The following LCAT variants were observed in gnomAD, a reference collection of about 807,000 sequenced individuals.
The protein encoded by LCAT is lecithin-cholesterol acyltransferase.
Under a neutral mutation model 41.0 loss-of-function variants are expected in LCAT, and 15 were observed. That is an observed-to-expected ratio of 0.37 (90% CI 0.24 to 0.56). The LOEUF (loss-of-function observed/expected upper bound fraction) is 0.56, where lower values mean the gene tolerates loss of function less well. Among genes scored for constraint, LCAT ranks in the 20% least tolerant of loss-of-function variants. The pLI is 0.81. For synonymous variants in LCAT, 248 were observed against 245.4 expected (o/e 1.01, Z -0.10); for missense variants, 449 against 595.1 (o/e 0.75, Z 2.55).
rs774662407 is a variant in LCAT, at chr16:67,943,063, T to A, written c.304A>T (p.Asn102Tyr). Residue 102 changes from asparagine (N) to tyrosine (Y), a missense_variant, in exon 2 of 6, where the codon AAC becomes TAC. Asn to Tyr is a moderately radical substitution (Grantham distance 143, BLOSUM62 -2). Coordinates refer to ENST00000264005, the MANE Select transcript of LCAT (RefSeq NM_000229.2). The surrounding 1 kb of genome is among the most constrained non-coding windows in gnomAD (Gnocchi z 4.6). ...LPLGVDCWID[N>Y]TRVVYNRSSG... The stretch of plus-strand genomic sequence containing the variant: ...TGGAGCACATGGCTGTACCTGGTGT[T>A]ATCGATCCAGCAGTCTACCCCAAGG... The A allele has an allele frequency of 1.2e-6, 2 of 1,613,812 alleles. No individual in the cohort carries two copies. Among genetic ancestry groups the A allele is most frequent in the Non-Finnish European group, 8.5e-7 (1 of 1,179,916 alleles).
Position 67,939,916 on chromosome 16 carries a change from C to G in LCAT, c.1311G>C (p.Pro437=). 6.2e-7 allele frequency: 1 copy of G among 1,612,520 alleles called. No individual in the cohort carries two copies. The highest frequency in any genetic ancestry group is 8.5e-7 in the Non-Finnish European group (1 of 1,179,360). Residue 437 remains proline (P), a synonymous_variant, in exon 6 of 6, where the codon CCG becomes CCC. Coordinates refer to ENST00000264005, the MANE Select transcript of LCAT (RefSeq NM_000229.2). ...CAAAGGAAGGTCTTTATTCAGGAGGCGGGGGCTCTGGGCTGGCAGTCGGGG... is the reference window on the plus strand; with the variant it reads ...CAAAGGAAGGTCTTTATTCAGGAGGGGGGGGCTCTGGGCTGGCAGTCGGGG... ...PASPTASPEP[P]PPE is the part of the protein sequence containing the mutation.
rs761593618 is a variant in LCAT, at chr16:67,943,225, G to C, written c.155-13C>G. The C allele has an allele frequency of 6.2e-7, 1 of 1,612,270 alleles. No individual in the cohort carries two copies. The highest frequency in any genetic ancestry group is 8.5e-7 in the Non-Finnish European group (1 of 1,179,902). ...AGGCAGCCGGGCACTGTGAGCAGCA[G>C]CCCTCACTCTGGACTCTGGATTCCC... On this transcript the variant is annotated splice_polypyrimidine_tract_variant and intron_variant, in intron 1 of 5. Coordinates refer to ENST00000264005, the MANE Select transcript of LCAT (RefSeq NM_000229.2). This position sits in a 1 kb window ranked among gnomAD's most constrained non-coding sequence, Gnocchi z 4.6.
chr16:67,942,938 G>A lies in LCAT; in HGVS notation c.350C>T (p.Ala117Val). 1 of 1,613,920 alleles carries A rather than the reference G, an allele frequency of 6.2e-7. No homozygotes were observed. The highest frequency in any genetic ancestry group is 8.5e-7 in the Non-Finnish European group (1 of 1,179,990). ...YNRSSGLVSN[A>V]PGVQIRVPGF... The stretch of plus-strand genomic sequence containing the variant: ...AGGGACGCGGATCTGGACACCAGGG[G>A]CGTTGGACACGAGCCCAGAGCTCCG... Residue 117 changes from alanine to valine, a missense_variant, in exon 3 of 6, where the codon GCC (alanine) becomes GTC (valine). Ala to Val is a moderately conservative substitution (Grantham distance 64). Transcript: ENST00000264005. This position sits in a 1 kb window ranked among gnomAD's most constrained non-coding sequence, Gnocchi z 6.6.
At chr16:67,940,657 A>C (rs189323062) in intron 5 of LCAT, 179 bp from the exon 6 acceptor site, 3 of 1,092,664 alleles carry the variant, frequency 2.7e-6, no homozygotes, top group African/African-American at 1.6e-5. Context: ...AGCTTACTCA[A>C]TGAGAAGCCC....
Position 67,939,840 on chromosome 16 carries a change from A to G in LCAT, c.*64T>C. The G allele has an allele frequency of 6.4e-7, 1 of 1,571,798 alleles. No homozygotes were observed. Among genetic ancestry groups the G allele is most frequent in the Non-Finnish European group, 8.6e-7 (1 of 1,156,584 alleles). Reference sequence around the variant, plus strand: ...GGTGAGGAGTGAAACCTAGTGTGGGACTCTAGTGCCTCCCTTCAACCTGAA... The same window carrying G: ...GGTGAGGAGTGAAACCTAGTGTGGGGCTCTAGTGCCTCCCTTCAACCTGAA... On this transcript the variant is annotated 3_prime_UTR_variant, in exon 6 of 6. Coordinates refer to ENST00000264005, the MANE Select transcript of LCAT (RefSeq NM_000229.2).
Position 67,943,335 on chromosome 16 carries a change from A to C in LCAT, c.155-123T>G. On this transcript the variant is annotated intron_variant, in intron 1 of 5. Transcript: ENST00000264005. This position sits in a 1 kb window ranked among gnomAD's most constrained non-coding sequence, Gnocchi z 4.6. ...CCCATACCCTCAACCCCCAGGTACA[A>C]AGCACACTTACCCTCCCCTGCTTAC... 7.0e-6 allele frequency: 6 copies of C among 851,430 alleles called. No homozygotes were observed. Among genetic ancestry groups the C allele is most frequent in the Non-Finnish European group, 9.4e-6 (5 of 532,354 alleles). The allele number at this position is 851,430 out of a possible 1,614,324, so 52.7% of individuals were successfully genotyped here.
At position 67,943,279 on chromosome 16, in the gene LCAT, ATGC is replaced by A; in HGVS notation, c.155-70_155-68del. On this transcript the variant is annotated intron_variant, in intron 1 of 5. Transcript: ENST00000264005. This position sits in a 1 kb window ranked among gnomAD's most constrained non-coding sequence, Gnocchi z 4.6. ...GTGACCCTTACCCCCGTCACCCCAG[ATGC>A]TGCAGTGACCAGACCCACCCCCCAC... The A allele has an allele frequency of 6.6e-7, 1 of 1,514,866 alleles. No individual in the cohort carries two copies. Among genetic ancestry groups the A allele is most frequent in the Non-Finnish European group, 9.0e-7 (1 of 1,116,938 alleles). 93.8% of individuals were successfully genotyped at this position (1,514,866 alleles called of 1,614,324 possible). A position where few individuals can be genotyped will look rare whatever the true frequency, so the allele number is the denominator to read the frequency against.
In LCAT at chr16:67,942,297, G is replaced by A. The variant is rs548743635; in HGVS notation, c.748+66C>T. 32 of 1,542,926 alleles carry A rather than the reference G, an allele frequency of 2.1e-5. 1 individual carries two copies. The Middle Eastern group carries it at 5.4e-4, about 26-fold the overall frequency. On this transcript the variant is annotated intron_variant, in intron 5 of 5. Coordinates refer to ENST00000264005, the MANE Select transcript of LCAT (RefSeq NM_000229.2). This position sits in a 1 kb window ranked among gnomAD's most constrained non-coding sequence, Gnocchi z 6.6. Reference sequence around the variant, plus strand: ...GGCCACTGTGAGCAGGAGCCGCAATGAAGGCAGGCCCAGGATCAGCTTGGT... The same window carrying A: ...GGCCACTGTGAGCAGGAGCCGCAATAAAGGCAGGCCCAGGATCAGCTTGGT...
At position 67,940,413 on chromosome 16, in the gene LCAT, T is replaced by C; in HGVS notation, c.814A>G (p.Thr272Ala). 6.2e-7 allele frequency: 1 copy of C among 1,612,948 alleles called. No individual in the cohort carries two copies. Among genetic ancestry groups the C allele is most frequent in the Non-Finnish European group, 8.5e-7 (1 of 1,179,748 alleles). ...CGAGAGGGAAACATCCAGGGGGAGG[T>C]GGTGGTTATGCGCTGCTCCTCTTTC... ...KLKEEQRITT[T>A]SPWMFPSRMA... Residue 272 changes from threonine to alanine, a missense_variant, in exon 6 of 6, where the codon ACC becomes GCC. Transcript: ENST00000264005.
In LCAT at chr16:67,940,371, C is replaced by T; in HGVS notation, c.856G>A (p.Asp286Asn). ...CTGGGTGTGGAAATGAACACGTGGT[C>T]CTCAGGCCACGCCATGCGAGAGGGA... ...MFPSRMAWPEDHVFISTPSFN... is the reference protein window; with the variant it reads ...MFPSRMAWPENHVFISTPSFN... The change falls in exon 6 of 6, where the codon GAC becomes AAC. Residue 286 changes from aspartate to asparagine, a missense_variant. Coordinates refer to ENST00000264005, the MANE Select transcript of LCAT (RefSeq NM_000229.2). 1 of 1,614,112 alleles carries T rather than the reference C, an allele frequency of 6.2e-7. No homozygotes were observed. Among genetic ancestry groups the T allele is most frequent in the African/African-American group, 1.3e-5 (1 of 75,024 alleles).
rs368492194 is a variant in LCAT at position 67,942,776 on chromosome 16, G to C, written c.428-10C>G. ...AGTGTGTGCAGGTACCCTGTGGGGG[G>C]ACCAGCAGCACCGGGGGCTTGGGCC... On this transcript the variant is annotated splice_polypyrimidine_tract_variant and intron_variant, in intron 3 of 5. Transcript: ENST00000264005. This position sits in a 1 kb window ranked among gnomAD's most constrained non-coding sequence, Gnocchi z 6.6. The C allele has an allele frequency of 6.2e-7, 1 of 1,612,538 alleles. No individual in the cohort carries two copies.
At position 67,943,717 on chromosome 16, in the gene LCAT, C is replaced by G; in HGVS notation, c.154+231G>C. ...CCCAGCCAAGACCTCAGGCACACCC[C>G]GTCCCCCACTCCGCCCCCCCTGGGT... On this transcript the variant is annotated intron_variant, in intron 1 of 5. Coordinates refer to ENST00000264005, the MANE Select transcript of LCAT (RefSeq NM_000229.2). The surrounding 1 kb of genome is among the most constrained non-coding windows in gnomAD (Gnocchi z 4.6). 1 of 567,030 alleles carries G rather than the reference C, an allele frequency of 1.8e-6. No homozygotes were observed. The allele number at this position is 567,030 out of a possible 1,614,324, so 35.1% of individuals were successfully genotyped here.
intron 5 of LCAT, among the ~76,000 whole-genome samples, chr16:67,941,085 C>T (rs2058288688): frequency 6.6e-6 from 1 of 152,130 alleles, no homozygotes; most frequent in Admixed American, 6.5e-5. Flanking sequence ...AGGCAGATGA[C>T]TTAAGGTCAG....
chr16:67,943,878 G>C lies in LCAT; in HGVS notation c.154+70C>G, dbSNP rs772149357. 34 of 1,416,424 alleles carry C rather than the reference G, an allele frequency of 2.4e-5. No individual in the cohort carries two copies. The highest frequency in any genetic ancestry group is 3.1e-5 in the Non-Finnish European group (32 of 1,048,950). 87.7% of individuals were successfully genotyped at this position (1,416,424 alleles called of 1,614,324 possible). ...GGGCAGAAGGGCTTTGGCCAGGTCA[G>C]CTGCCAGGGGCTGGGGCCCAGGCTC... On this transcript the variant is annotated intron_variant, in intron 1 of 5. Transcript: ENST00000264005. This position sits in a 1 kb window ranked among gnomAD's most constrained non-coding sequence, Gnocchi z 4.6.
intron 5 of LCAT, 121 bp from the exon 6 acceptor site, chr16:67,940,599 C>CT: frequency 1.3e-6 from 2 of 1,488,092 alleles, no homozygotes; most frequent in Non-Finnish European, 9.0e-7. Context: ...GACACAGACT[C>CT]TAAGCCACAG....
Position 67,944,023 on chromosome 16 carries a change from G to T in LCAT, c.79C>A (p.Leu27Ile). The T allele has an allele frequency of 6.5e-7, 1 of 1,547,950 alleles. No homozygotes were observed. The highest frequency in any genetic ancestry group is 2.4e-5 in the East Asian group (1 of 40,882). The change falls in exon 1 of 6, where the codon CTC (leucine) becomes ATC (isoleucine). Residue 27 changes from leucine (L) to isoleucine (I), a missense_variant. Coordinates refer to ENST00000264005, the MANE Select transcript of LCAT (RefSeq NM_000229.2). This position sits in a 1 kb window ranked among gnomAD's most constrained non-coding sequence, Gnocchi z 6.6. ...TGCGGGGGGAAGAGCACATTGAGGA[G>T]CCAGAAGGGGGCGGCAGGAGGGAGC... ...LLLPPAAPFW[L>I]LNVLFPPHTT...
intron 5 of LCAT, chr16:67,940,901 A>C (rs1032350978): frequency 2.0e-5 from 4 of 197,564 alleles, no homozygotes; most frequent in Non-Finnish European, 4.2e-5. Flanking sequence ...GCTACTCAGG[A>C]GGCAAAGGCA....
Position 67,942,463 on chromosome 16 carries a change from C to T in LCAT, c.648G>A (p.Leu216=), listed in dbSNP as rs2058296665. 1 of 1,613,790 alleles carries T rather than the reference C, an allele frequency of 6.2e-7. No individual in the cohort carries two copies. Among genetic ancestry groups the T allele is most frequent in the Admixed American group, 1.7e-5 (1 of 60,006 alleles). The change falls in exon 5 of 6, where the codon CTG becomes CTA. Residue 216 remains leucine, a synonymous_variant. Coordinates refer to ENST00000264005, the MANE Select transcript of LCAT (RefSeq NM_000229.2). This position sits in a 1 kb window ranked among gnomAD's most constrained non-coding sequence, Gnocchi z 6.6. ...GGTCCTTCCAGGCCTGGGGCTGGCG[C>T]AGCAGGAAATAGAGCAAGTGTAGAC... ...LGCLHLLYFL[L]RQPQAWKDRF...
At position 67,943,498 on chromosome 16, in the gene LCAT, CAA is replaced by C. The variant is rs2058305561; in HGVS notation, c.155-288_155-287del. 1 of 532,698 alleles carries C rather than the reference CAA, an allele frequency of 1.9e-6. No homozygotes were observed. The highest frequency in any genetic ancestry group is 1.9e-5 in the African/African-American group (1 of 52,470). The allele number at this position is 532,698 out of a possible 1,614,324, so 33.0% of individuals were successfully genotyped here. ...ACCCAGTCTGGCGCTCCTTTATTGC[CAA>C]AGTCCAAGGTGGGAACAGATAGGTC... is the stretch of plus-strand genomic sequence containing the variant. On this transcript the variant is annotated intron_variant, in intron 1 of 5. Coordinates refer to ENST00000264005, the MANE Select transcript of LCAT (RefSeq NM_000229.2). The surrounding 1 kb of genome is among the most constrained non-coding windows in gnomAD (Gnocchi z 4.6).
Sources: allele counts gnomAD v4.1 joint callset (sites outside exome capture counted in the v4.1 genomes callset), GRCh38; gene constraint gnomAD v4.1.1; non-coding constraint Gnocchi (gnomAD v3.1); transcripts MANE v1.5; gene names NCBI Gene and HGNC (gene_info 2026-07-23, HGNC 2026-07-21).